The following SHANK2 variants were observed in gnomAD, a reference collection of about 807,000 sequenced individuals.
SHANK2 encodes the protein SH3 and multiple ankyrin repeat domains protein 2.
SHANK2 carries 43 observed loss-of-function variants against 133.7 expected under a neutral mutation model. The observed-to-expected ratio is 0.32, with a 90% CI of 0.25 to 0.41. The LOEUF (loss-of-function observed/expected upper bound fraction) is 0.41. Ranked by LOEUF, SHANK2 falls within the 10% of genes least tolerant of loss-of-function variation. The pLI is 1.00. For missense variants in SHANK2, 1,994 were observed against 2,235.8 expected (o/e 0.89, Z 2.18); for synonymous variants, 1,017 against 952.8 (o/e 1.07, Z -1.24).
chr11:71,235,778 A>G (rs1954819474), intron 1 of SHANK2, among the ~76,000 whole-genome samples: 1 of 152,252 alleles, frequency 6.6e-6, no homozygotes, highest in Middle Eastern at 3.4e-3. Context: ...AGAGCCTCCG[A>G]TCTTCAGTTT....
At chr11:70,775,862 C>G (rs1320316546) in intron 14 of SHANK2, among the ~76,000 whole-genome samples, 2 of 152,252 alleles carry the variant, frequency 1.3e-5, no homozygotes, top group Non-Finnish European at 2.9e-5. Context: ...TATTCATAAT[C>G]CCCGAATCTG....
chr11:71,130,346 G>A (rs1217663608), intron 3 of SHANK2, among the ~76,000 whole-genome samples: 3 of 152,138 alleles, frequency 2.0e-5, no homozygotes, highest in South Asian at 2.1e-4. Flanking sequence ...AAAAGTATCC[G>A]GCCTGCCAGG....
chr11:70,753,380 C>A (rs1293416833), intron 14 of SHANK2, among the ~76,000 whole-genome samples: 1 of 152,080 alleles, frequency 6.6e-6, no homozygotes, highest in Non-Finnish European at 1.5e-5. Context: ...AATATACATT[C>A]TTTTCAATGT....
chr11:71,172,855 C>G (rs1590986539), intron 2 of SHANK2, among the ~76,000 whole-genome samples: 1 of 152,216 alleles, frequency 6.6e-6, no homozygotes, highest in Non-Finnish European at 1.5e-5. Context: ...CAGGCAATGG[C>G]AGGTACACAC....
chr11:70,899,331 T>C (rs1281253621), intron 10 of SHANK2, among the ~76,000 whole-genome samples: 1 of 152,152 alleles, frequency 6.6e-6, no homozygotes, highest in Non-Finnish European at 1.5e-5. Flanking sequence ...ACTCATTCTC[T>C]CTCCTGCCAC....
chr11:70,828,614 A>G (rs1389537452), intron 11 of SHANK2, among the ~76,000 whole-genome samples: 1 of 152,236 alleles, frequency 6.6e-6, no homozygotes, highest in Non-Finnish European at 1.5e-5. Flanking sequence ...CGGGTGGACC[A>G]GCCAGGGGGG....
chr11:70,472,779 T>A lies in SHANK2; in HGVS notation c.*90A>T. 7.7e-7 allele frequency: 1 copy of A among 1,298,310 alleles called. No individual in the cohort carries two copies. Among genetic ancestry groups the A allele is most frequent in the Non-Finnish European group, 1.1e-6 (1 of 893,124 alleles). The allele number at this position is 1,298,310 out of a possible 1,614,324, so 80.4% of individuals were successfully genotyped here. A position where few individuals can be genotyped will look rare whatever the true frequency, so the allele number is the denominator to read the frequency against. On this transcript the variant is annotated 3_prime_UTR_variant, in exon 26 of 26. Transcript: ENST00000601538. The surrounding 1 kb of genome is among the most constrained non-coding windows in gnomAD (Gnocchi z 4.4). ...CAAACCCATGGAGTGGGGTTGATGC[T>A]CACAGACTTCGCTTGGCATTCAGAT...
At chr11:70,950,229 T>C (rs1272954021) in intron 10 of SHANK2, 7 of 426,360 alleles carry the variant, frequency 1.6e-5, no homozygotes, top group East Asian at 1.5e-4. Context: ...CAGGCTGGAG[T>C]ATAGTGGCAA....
intron 17 of SHANK2, among the ~76,000 whole-genome samples, chr11:70,504,663 CCTACA>C (rs1554967997): frequency 3.9e-5 from 6 of 152,182 alleles, no homozygotes; most frequent in African/African-American, 1.4e-4. Context: ...GAGAGGCCCA[CCTACA>C]GCGGCAGCGG....
chr11:70,865,694 A>T (rs1555068885), intron 11 of SHANK2, among the ~76,000 whole-genome samples: 1 of 151,500 alleles, frequency 6.6e-6, no homozygotes, highest in African/African-American at 2.5e-5. Flanking sequence ...ACTGCCTCGC[A>T]CCGCCTTCTG....
chr11:70,576,147 C>T (rs781796362), intron 17 of SHANK2, among the ~76,000 whole-genome samples: 2 of 152,140 alleles, frequency 1.3e-5, no homozygotes, highest in African/African-American at 4.8e-5. Context: ...CGGGGAACTA[C>T]CTGTCCCTCA....
chr11:70,758,716 C>T (rs1401976126), intron 14 of SHANK2, among the ~76,000 whole-genome samples: 1 of 152,230 alleles, frequency 6.6e-6, no homozygotes, highest in East Asian at 1.9e-4. Flanking sequence ...AAGCCTCTCT[C>T]CCAGCCTCTG....
At chr11:70,787,863 T>G (rs1461960872) in intron 14 of SHANK2, among the ~76,000 whole-genome samples, 2 of 152,184 alleles carry the variant, frequency 1.3e-5, no homozygotes, top group Non-Finnish European at 2.9e-5. Flanking sequence ...CGGCCACCCC[T>G]GCTTCTGAGC....
At chr11:70,664,602 C>T (rs571387115) in intron 15 of SHANK2, among the ~76,000 whole-genome samples, 53 of 152,340 alleles carry the variant, frequency 3.5e-4, no homozygotes, top group African/African-American at 1.2e-3. Flanking sequence ...GCGCTCCAGG[C>T]GTGCTCACTT....
At chr11:71,085,712 ATAT>A (rs1951383714) in intron 8 of SHANK2, among the ~76,000 whole-genome samples, 1 of 65,708 alleles carries the variant, frequency 1.5e-5, no homozygotes, top group Non-Finnish European at 2.6e-5. Context: ...TATGTTATAT[ATAT>A]TATATTATAT....
chr11:71,139,755 G>A (rs61037105), intron 3 of SHANK2, among the ~76,000 whole-genome samples: 3,587 of 152,258 alleles, frequency 0.024, 51 homozygotes, highest in African/African-American at 0.043. Flanking sequence ...CACTCCCTGC[G>A]TGGCCCGGGA....
chr11:70,924,954 C>T (rs1176966736), intron 10 of SHANK2, among the ~76,000 whole-genome samples: 2 of 152,202 alleles, frequency 1.3e-5, no homozygotes, highest in African/African-American at 4.8e-5. Flanking sequence ...AGGACCCTCC[C>T]TTCCCATCAC....
Position 70,798,490 on chromosome 11 carries a change from G to A in SHANK2, c.1730C>T (p.Ala577Val), listed in dbSNP as rs1235010127. The change falls in exon 14 of 26, where the codon GCG (alanine) becomes GTG (valine). Residue 577 changes from alanine (A) to valine (V), a missense_variant. Physicochemically the swap from Ala to Val is moderately conservative, Grantham distance 64. This residue lies in a region of SHANK2 where 653 missense variants were observed against 563.4 expected (regional missense o/e 1.16). Coordinates refer to ENST00000601538, the MANE Select transcript of SHANK2 (RefSeq NM_012309.5). ...SARGHIGWFP[A>V]ECVEEVQCKP... ...ACACTGGACCTCCTCCACGCACTCC[G>A]CCGGAAACCATCCGATGTGGCCGCG... 6 of 718,392 alleles carry A rather than the reference G, an allele frequency of 8.4e-6. No homozygotes were observed. Among genetic ancestry groups the A allele is most frequent in the Middle Eastern group, 2.3e-4 (1 of 4,394 alleles). 44.5% of individuals were successfully genotyped at this position (718,392 alleles called of 1,614,324 possible).
intron 17 of SHANK2, among the ~76,000 whole-genome samples, chr11:70,611,473 TG>T (rs1252328019): frequency 2.0e-5 from 3 of 152,222 alleles, no homozygotes; most frequent in Non-Finnish European, 4.4e-5. Context: ...ATGGCAGCCC[TG>T]GGTACTTGGT....
Sources: gnomAD v4.1 joint callset for allele counts (sites outside exome capture counted in the v4.1 genomes callset) on GRCh38, gnomAD v4.1.1 for gene constraint, gnomAD v4.1.1 regional missense constraint, Gnocchi (gnomAD v3.1) non-coding constraint, MANE v1.5 for transcripts, NCBI Gene and HGNC (gene_info 2026-07-23, HGNC 2026-07-21) for gene names.